Variants in REPS1 observed in about 807,000 individuals in gnomAD.
REPS1 encodes ralBP1-associated Eps domain-containing protein 1.
Under a neutral mutation model 100.9 loss-of-function variants are expected in REPS1, and 39 were observed. That is an observed-to-expected ratio of 0.39 (90% CI 0.30 to 0.50). The LOEUF is 0.50. REPS1 is among the 20% of genes least tolerant of loss of function. The probability of loss-of-function intolerance (pLI) is 0.86; values close to 1 mark genes in which losing one functional copy is unlikely to be tolerated. For missense variants in REPS1, 821 were observed against 968.5 expected (o/e 0.85, Z 2.02); for synonymous variants, 324 against 340.3 (o/e 0.95, Z 0.53).
Position 138,907,515 on chromosome 6 carries a change from C to T in REPS1, c.2302G>A (p.Glu768Lys), listed in dbSNP as rs779589251. Reference protein sequence around the residue: ...TNTVLARLNSELQQQLKDVLE... With the variant: ...TNTVLARLNSKLQQQLKDVLE... The stretch of plus-strand genomic sequence containing the variant: ...ATTACCTTTAATTGTTGCTGCAATT[C>T]GCTATTCAATCTGGCCAAAACGGTG... The change falls in exon 19 of 20, where the codon GAA (glutamate) becomes AAA (lysine). Residue 768 changes from glutamate (E) to lysine (K), a missense_variant. By Grantham distance (56) the Glu-to-Lys change is moderately conservative. Coordinates refer to ENST00000450536, the MANE Select transcript of REPS1 (RefSeq NM_001286611.2). The T allele has an allele frequency of 2.5e-6, 4 of 1,611,236 alleles. No individual in the cohort carries two copies. The highest frequency in any genetic ancestry group is 1.7e-6 in the Non-Finnish European group (2 of 1,177,602).
At chr6:138,952,331 G>A (rs777282852) in intron 1 of REPS1, among the ~76,000 whole-genome samples, 1 of 151,742 alleles carries the variant, frequency 6.6e-6, no homozygotes, top group Non-Finnish European at 1.5e-5. Context: ...AAAACTCTCA[G>A]ATCTGATAAA....
chr6:138,972,166 G>C (rs1784377765), intron 1 of REPS1, among the ~76,000 whole-genome samples: 1 of 152,180 alleles, frequency 6.6e-6, no homozygotes, highest in Admixed American at 6.5e-5. Context: ...CTCAGTGAGA[G>C]TGAAGTTGTT....
At chr6:138,932,768 C>G (rs554320702) in intron 8 of REPS1, among the ~76,000 whole-genome samples, 1 of 152,106 alleles carries the variant, frequency 6.6e-6, no homozygotes, top group Admixed American at 6.5e-5. Context: ...GGGTATCGCG[C>G]GGGCATTTTT....
At chr6:138,935,882 T>TG (rs1781798576) in intron 8 of REPS1, among the ~76,000 whole-genome samples, 1 of 60,430 alleles carries the variant, frequency 1.7e-5, no homozygotes, top group Admixed American at 2.3e-4. Context: ...GGGGGAGTGG[T>TG]GGCCAGGGAG....
At chr6:138,914,360 A>C (rs891382022) in intron 15 of REPS1, among the ~76,000 whole-genome samples, 12 of 152,200 alleles carry the variant, frequency 7.9e-5, no homozygotes, top group Non-Finnish European at 1.8e-4. Context: ...GGTGTGAACC[A>C]CTGCACCCAG....
At chr6:138,947,030 C>A (rs1368034670) in intron 2 of REPS1, among the ~76,000 whole-genome samples, 1 of 122,256 alleles carries the variant, frequency 8.2e-6, no homozygotes, top group African/African-American at 3.2e-5. Flanking sequence ...TGGCTATTCC[C>A]CCTTGCTCTC....
At chr6:138,964,136 A>G (rs150711289) in intron 1 of REPS1, among the ~76,000 whole-genome samples, 302 of 152,210 alleles carry the variant, frequency 2.0e-3, no homozygotes, top group African/African-American at 6.5e-3. Flanking sequence ...AAGCCTGCAC[A>G]CCAAGACCAC....
chr6:138,917,805 T>C (rs576613996), intron 12 of REPS1, among the ~76,000 whole-genome samples, 178 bp from the exon 13 acceptor site: 1 of 152,254 alleles, frequency 6.6e-6, no homozygotes, highest in South Asian at 2.1e-4. Context: ...AAATAAATCA[T>C]GGCATATTTA....
rs1325914582 is a variant in REPS1 at position 138,904,116 on chromosome 6, C to G, written c.*948G>C. On this transcript the variant is annotated 3_prime_UTR_variant, in exon 20 of 20. Transcript: ENST00000450536. ...CTATGATCCTATAGACAGAATAAAT[C>G]TTAAAGGGAATATCTGCTGTTAGCA... The G allele has an allele frequency of 6.6e-6, 1 of 152,108 alleles. No homozygotes were observed. 9.4% of individuals were successfully genotyped at this position (152,108 alleles called of 1,614,324 possible).
chr6:138,963,131 C>A (rs112187582), intron 1 of REPS1, among the ~76,000 whole-genome samples: 200 of 147,628 alleles, frequency 1.4e-3, no homozygotes, highest in South Asian at 2.8e-3. Context: ...AACTAACTAA[C>A]TAAATAAATA....
chr6:138,931,342 T>C (rs1281711449), intron 8 of REPS1, among the ~76,000 whole-genome samples: 1 of 152,184 alleles, frequency 6.6e-6, no homozygotes, highest in East Asian at 1.9e-4. Context: ...ACTGAATCAG[T>C]TGCCTTGTGT....
At chr6:138,964,092 C>T (rs1260478288) in intron 1 of REPS1, among the ~76,000 whole-genome samples, 1 of 152,168 alleles carries the variant, frequency 6.6e-6, no homozygotes, top group Non-Finnish European at 1.5e-5. Context: ...CTGCTCATTG[C>T]TTTGCTTACA....
At chr6:138,942,858 G>C (rs990682592) in intron 7 of REPS1, among the ~76,000 whole-genome samples, 1 of 152,012 alleles carries the variant, frequency 6.6e-6, no homozygotes. Context: ...AGGTTCAAGC[G>C]AATCTCGTGC....
At chr6:138,972,505 T>A (rs958398402) in intron 1 of REPS1, among the ~76,000 whole-genome samples, 1 of 152,094 alleles carries the variant, frequency 6.6e-6, no homozygotes, top group African/African-American at 2.4e-5. Flanking sequence ...ATGCTATACC[T>A]TCCCTCCAAA....
chr6:138,980,689 G>T lies in REPS1; in HGVS notation c.153+6841C>A, dbSNP rs1319482845. ...CTTTTTTTTTTGTGGGTGGGGCGGG[G>T]GGGGGGGGGAACGGAGACTTGCTCT... On this transcript the variant is annotated intron_variant, in intron 1 of 19. Transcript: ENST00000450536. Among the ~76,000 whole-genome samples, 5 of 124,928 alleles carry T rather than the reference G, an allele frequency of 4.0e-5. No homozygotes were observed. In the East Asian group the frequency reaches 6.6e-4, roughly 16 times the overall value. 82.0% of individuals were successfully genotyped at this position (124,928 alleles called of 152,430 possible).
intron 1 of REPS1, among the ~76,000 whole-genome samples, chr6:138,977,062 T>C (rs1317991564): frequency 3.3e-5 from 5 of 152,242 alleles, no homozygotes; most frequent in African/African-American, 9.6e-5. Context: ...TTTTAATTCA[T>C]AGCTTTGAGG....
At chr6:138,921,159 T>C (rs752421765) in intron 10 of REPS1, 35 bp from the exon 11 acceptor site, 2 of 1,401,588 alleles carry the variant, frequency 1.4e-6, no homozygotes, top group South Asian at 1.2e-5. Context: ...AGAATTTGTA[T>C]TAAAATGTCA....
At chr6:138,971,042 A>G (rs2128501670) in intron 1 of REPS1, among the ~76,000 whole-genome samples, 1 of 152,242 alleles carries the variant, frequency 6.6e-6, no homozygotes, top group East Asian at 1.9e-4. Context: ...GTTAAGTGCT[A>G]GTGAGAAACA....
chr6:138,914,801 A>G (rs1350403710), intron 14 of REPS1, 40 bp from the exon 15 acceptor site: 1 of 1,522,530 alleles, frequency 6.6e-7, no homozygotes, highest in Admixed American at 1.8e-5. Flanking sequence ...GTAACTGTAT[A>G]ATCACTTTGT....
Sources: gnomAD v4.1 joint callset for allele counts (sites outside exome capture counted in the v4.1 genomes callset) on GRCh38, gnomAD v4.1.1 for gene constraint, MANE v1.5 for transcripts, NCBI Gene and HGNC (gene_info 2026-07-23, HGNC 2026-07-21) for gene names.